The following RANBP2 variants were observed in gnomAD, a reference collection of about 807,000 sequenced individuals.
RANBP2 encodes E3 SUMO-protein ligase RanBP2.
RANBP2 carries 57 observed loss-of-function variants against 303.6 expected under a neutral mutation model. That is an observed-to-expected ratio of 0.19 (90% CI 0.15 to 0.23). The LOEUF (loss-of-function observed/expected upper bound fraction) is 0.23. Among genes scored for constraint, RANBP2 ranks in the 10% least tolerant of loss-of-function variants. The pLI is 1.00. For missense variants in RANBP2, 3,138 were observed against 3,780.8 expected (o/e 0.83, Z 4.46); for synonymous variants, 1,167 against 1,301.5 (o/e 0.90, Z 2.23).
At chr2:109,491,946 G>A in the RANBP2 span, among the ~76,000 whole-genome samples, 1 of 152,074 alleles carries the variant, frequency 6.6e-6, no homozygotes, top group Admixed American at 6.5e-5. Flanking sequence ...AATGAGACGG[G>A]GTCTATCTAG....
At chr2:109,211,468 A>T in the RANBP2 span, among the ~76,000 whole-genome samples, 4 of 152,268 alleles carry the variant, frequency 2.6e-5, no homozygotes, top group South Asian at 8.3e-4. Flanking sequence ...GTCTGAGAAG[A>T]ATGCAGATGG....
chr2:108,942,555 C>T, the RANBP2 span, among the ~76,000 whole-genome samples: 3 of 152,270 alleles, frequency 2.0e-5, no homozygotes, highest in Admixed American at 6.5e-5. Context: ...CGTCTCCCTC[C>T]CGTTCTAGAA....
the RANBP2 span, among the ~76,000 whole-genome samples, chr2:109,514,093 AG>A: frequency 6.6e-6 from 1 of 152,214 alleles, no homozygotes; most frequent in African/African-American, 2.4e-5. Flanking sequence ...TTAGAAAGGC[AG>A]TAAGCCTGGT....
chr2:109,593,179 A>G, the RANBP2 span: 6 of 1,086,180 alleles, frequency 5.5e-6, no homozygotes, highest in African/African-American at 9.5e-5. Flanking sequence ...AAACCCCATT[A>G]TCTGAATAAT....
the RANBP2 span, among the ~76,000 whole-genome samples, chr2:109,388,343 C>T: frequency 1.3e-5 from 2 of 152,140 alleles, no homozygotes; most frequent in Non-Finnish European, 2.9e-5. Context: ...GGAACACATC[C>T]TAAAGAAAAG....
the RANBP2 span, among the ~76,000 whole-genome samples, chr2:109,573,138 A>G: frequency 6.6e-6 from 1 of 152,116 alleles, no homozygotes; most frequent in Non-Finnish European, 1.5e-5. Context: ...ATTAATTTTC[A>G]TATCTGCCTC....
chr2:109,615,081 C>G, the RANBP2 span: 1 of 1,549,590 alleles, frequency 6.5e-7, no homozygotes, highest in East Asian at 2.4e-5. Flanking sequence ...GGCTACCGCA[C>G]AGAGGCCGGC....
chr2:109,075,346 C>T, the RANBP2 span, among the ~76,000 whole-genome samples: 3 of 149,788 alleles, frequency 2.0e-5, no homozygotes, highest in African/African-American at 7.3e-5. Flanking sequence ...TGCCTCAGCC[C>T]CCCGAGTAGC....
chr2:109,488,982 C>A, the RANBP2 span, among the ~76,000 whole-genome samples: 4 of 152,182 alleles, frequency 2.6e-5, no homozygotes, highest in Non-Finnish European at 5.9e-5. Context: ...CCAGAACTCC[C>A]CATGGACTGT....
the RANBP2 span, among the ~76,000 whole-genome samples, chr2:109,298,434 G>A: frequency 2.0e-5 from 3 of 152,252 alleles, no homozygotes; most frequent in East Asian, 5.8e-4. Flanking sequence ...GTGGGTCATT[G>A]AAGGAGGGTC....
the RANBP2 span, among the ~76,000 whole-genome samples, chr2:109,535,193 T>G: frequency 2.0e-5 from 3 of 152,228 alleles, no homozygotes; most frequent in East Asian, 5.8e-4. Context: ...AACTACCTAG[T>G]GTGTGGACCT....
chr2:109,286,485 A>G, the RANBP2 span, among the ~76,000 whole-genome samples: 1 of 152,164 alleles, frequency 6.6e-6, no homozygotes, highest in Non-Finnish European at 1.5e-5. Context: ...AGTCCCGCAC[A>G]AGGCCATCTA....
the RANBP2 span, among the ~76,000 whole-genome samples, chr2:109,057,187 T>G: frequency 3.3e-5 from 5 of 152,234 alleles, no homozygotes; most frequent in East Asian, 7.7e-4. Context: ...CATAATAAGA[T>G]CTAATTAGTC....
intron 6 of RANBP2, among the ~76,000 whole-genome samples, chr2:108,740,002 C>T (rs1357171603): frequency 6.6e-6 from 1 of 151,432 alleles, no homozygotes; most frequent in Non-Finnish European, 1.5e-5. Flanking sequence ...AAAAAAAAGG[C>T]AGACTATTTT....
At chr2:109,365,070 A>ACAAG in the RANBP2 span, among the ~76,000 whole-genome samples, 1 of 152,130 alleles carries the variant, frequency 6.6e-6, no homozygotes, top group African/African-American at 2.4e-5. Context: ...AAACAAACAA[A>ACAAG]CAAACAAAAC....
At chr2:108,772,809 G>A (rs987373078) in intron 22 of RANBP2, 59 bp from the exon 23 acceptor site, 2 of 1,552,712 alleles carry the variant, frequency 1.3e-6, no homozygotes, top group African/African-American at 2.7e-5. Context: ...GACTACCATT[G>A]TTGTAGAGAA....
At chr2:108,961,238 C>T in the RANBP2 span, among the ~76,000 whole-genome samples, 1 of 151,924 alleles carries the variant, frequency 6.6e-6, no homozygotes, top group South Asian at 2.1e-4. Flanking sequence ...GGTAAAGAAC[C>T]AGATTCAGGA....
At chr2:108,966,802 T>C in the RANBP2 span, among the ~76,000 whole-genome samples, 1 of 152,194 alleles carries the variant, frequency 6.6e-6, no homozygotes, top group African/African-American at 2.4e-5. Flanking sequence ...GGAGGATTGA[T>C]TGCCTGGGGA....
At chr2:109,674,737 G>A in the RANBP2 span, among the ~76,000 whole-genome samples, 1 of 152,110 alleles carries the variant, frequency 6.6e-6, no homozygotes, top group Non-Finnish European at 1.5e-5. Context: ...TTATGAATAA[G>A]GAAATTGACA....
Sources: allele counts gnomAD v4.1 joint callset (sites outside exome capture counted in the v4.1 genomes callset), GRCh38; gene constraint gnomAD v4.1.1; transcripts MANE v1.5; gene names NCBI Gene and HGNC (gene_info 2026-07-23, HGNC 2026-07-21).